Variants in SLC12A7 observed in about 807,000 individuals in gnomAD.
SLC12A7 encodes the protein solute carrier family 12 member 7, also known as K-Cl cotransporter 4.
In SLC12A7, 100 loss-of-function variants were observed where a neutral mutation model predicts 120.6. The observed-to-expected ratio is 0.83, with a 90% CI of 0.71 to 0.98. SLC12A7 has a LOEUF of 0.98. Among genes scored for constraint, SLC12A7 ranks in the 50% least tolerant of loss-of-function variants. The probability of loss-of-function intolerance (pLI) is 0.00; values close to 1 mark genes in which losing one functional copy is unlikely to be tolerated. For missense variants in SLC12A7, 1,373 were observed against 1,548.1 expected, an observed-to-expected ratio of 0.89 and a Z score of 1.90; for synonymous variants, 760 against 678.0, an observed-to-expected ratio of 1.12 and a Z score of -1.88.
At chr5:1,080,629 C>T (rs1284399717) in intron 9 of SLC12A7, among the ~76,000 whole-genome samples, 2 of 152,222 alleles carry the variant, frequency 1.3e-5, no homozygotes, top group African/African-American at 2.4e-5. Flanking sequence ...ACAAGAAGGC[C>T]GAGTGGAGAC....
At chr5:1,080,715 C>A (rs964597466) in intron 9 of SLC12A7, among the ~76,000 whole-genome samples, 1 of 152,190 alleles carries the variant, frequency 6.6e-6, no homozygotes, top group African/African-American at 2.4e-5. Flanking sequence ...AAGGGCCCCA[C>A]CCACCGCCGG....
intron 21 of SLC12A7, 118 bp downstream of exon 21, chr5:1,060,225 AC>A: frequency 1.3e-6 from 1 of 760,380 alleles, no homozygotes; most frequent in Non-Finnish European, 2.3e-6. Flanking sequence ...GCGACGCAGT[AC>A]CTGAGGCATG....
intron 20 of SLC12A7, among the ~76,000 whole-genome samples, chr5:1,061,071 C>T (rs77216381): frequency 0.35 from 24,539 of 69,794 alleles, 5,474 homozygotes; most frequent in Non-Finnish European, 0.41. Context: ...GCACCCGCCG[C>T]ACCTGCCGCA....
At chr5:1,103,656 T>C (rs1055258888) in intron 1 of SLC12A7, among the ~76,000 whole-genome samples, 2 of 152,098 alleles carry the variant, frequency 1.3e-5, no homozygotes, top group African/African-American at 4.8e-5. Context: ...CACATACACG[T>C]GTACACACAC....
At chr5:1,056,623 T>G (rs1193920007) in intron 22 of SLC12A7, 2 of 982,336 alleles carry the variant, frequency 2.0e-6, no homozygotes, top group Non-Finnish European at 2.4e-6. Context: ...AACAAGAGTG[T>G]GTTACTGACT....
chr5:1,091,570 A>T (rs2150874636), intron 3 of SLC12A7, among the ~76,000 whole-genome samples: 1 of 152,300 alleles, frequency 6.6e-6, no homozygotes, highest in African/African-American at 2.4e-5. Flanking sequence ...CCAGAGTACC[A>T]GCCTGAGCCC....
chr5:1,078,748 GCAGGAGAGATCCA>G lies in SLC12A7; in HGVS notation c.1397-3_1406del, dbSNP rs1738650149. 6.2e-7 allele frequency: 1 copy of G among 1,610,612 alleles called. No individual in the cohort carries two copies. Among genetic ancestry groups the G allele is most frequent in the Non-Finnish European group, 8.5e-7 (1 of 1,179,198 alleles). On this transcript the variant is annotated splice_acceptor_variant and splice_polypyrimidine_tract_variant and coding_sequence_variant and intron_variant, in exon 11 of 24. Coordinates refer to ENST00000264930, the MANE Select transcript of SLC12A7 (RefSeq NM_006598.3). LOFTEE classifies it high-confidence loss of function. ...CAATGCAGGCCCCAAACAGCACAATGCAGGAGAGATCCACAGCCCTCGTCAAGGAAAGGCAGGT... is the reference window on the plus strand; with the variant it reads ...CAATGCAGGCCCCAAACAGCACAATGCAGCCCTCGTCAAGGAAAGGCAGGT...
chr5:1,079,930 C>T (rs1391137720), intron 9 of SLC12A7, among the ~76,000 whole-genome samples: 2 of 152,254 alleles, frequency 1.3e-5, no homozygotes, highest in Admixed American at 6.5e-5. Context: ...CGACCCCTCC[C>T]GCTGTGGCAC....
In SLC12A7 at chr5:1,086,975, G is replaced by T. The variant is rs765065421; in HGVS notation, c.603C>A (p.Val201=). The stretch of plus-strand genomic sequence containing the variant: ...TCGTGCCCAGGTAGAAGCAGAGGCC[G>T]ACAGCGCCTCCAAACTCGGGTCCCA... The part of the protein sequence containing the change: ...RSLGPEFGGA[V]GLCFYLGTTF... Residue 201 remains valine, a synonymous_variant, in exon 6 of 24, where the codon GTC becomes GTA. Transcript: ENST00000264930. 6.2e-7 allele frequency: 1 copy of T among 1,612,850 alleles called. No individual in the cohort carries two copies. The highest frequency in any genetic ancestry group is 1.7e-5 in the Admixed American group (1 of 60,018).
chr5:1,086,830 T>G, intron 6 of SLC12A7, 73 bp downstream of exon 6: 1 of 1,568,954 alleles, frequency 6.4e-7, no homozygotes, highest in Non-Finnish European at 8.7e-7. Context: ...TGCCACAGAG[T>G]GGGTCAGGCA....
intron 20 of SLC12A7, among the ~76,000 whole-genome samples, 199 bp downstream of exon 20, chr5:1,063,642 TCCC>T (rs1293496041): frequency 6.3e-5 from 2 of 31,796 alleles, no homozygotes; most frequent in Non-Finnish European, 1.3e-4. Flanking sequence ...CCTCCTGATC[TCCC>T]CCTCCACCCC....
chr5:1,078,070 T>C (rs1183320491), intron 11 of SLC12A7, 63 bp from the exon 12 acceptor site: 20 of 1,498,894 alleles, frequency 1.3e-5, no homozygotes, highest in Middle Eastern at 1.7e-4. Flanking sequence ...AGACAAAATG[T>C]CTTCTCCCAC....
the SLC12A7 span, among the ~76,000 whole-genome samples, chr5:1,145,724 T>C: frequency 2.0e-5 from 3 of 152,128 alleles, no homozygotes; most frequent in African/African-American, 7.2e-5. The surrounding 1 kb of genome is among the most constrained non-coding windows in gnomAD (Gnocchi z 4.4). Flanking sequence ...ACTGGCCTCC[T>C]CTCAGAAAAC....
chr5:1,060,268 G>A (rs1011522997), intron 21 of SLC12A7, 76 bp downstream of exon 21: 1 of 1,112,830 alleles, frequency 9.0e-7, no homozygotes, highest in Non-Finnish European at 1.4e-6. Context: ...GCTGCAGGAG[G>A]GTCCCAGAAA....
intron 16 of SLC12A7, 56 bp from the exon 17 acceptor site, chr5:1,073,857 A>G (rs907699543): frequency 3.7e-6 from 5 of 1,335,512 alleles, no homozygotes; most frequent in Admixed American, 3.0e-5. Flanking sequence ...GGCACGGCCC[A>G]TCAACAGGCA....
intron 8 of SLC12A7, 67 bp from the exon 9 acceptor site, chr5:1,081,811 C>A (rs1739157693): frequency 6.4e-7 from 1 of 1,551,238 alleles, no homozygotes; most frequent in Non-Finnish European, 8.8e-7. Flanking sequence ...CATGGGGCCG[C>A]CCACTCCCCG....
At chr5:1,116,024 G>A (rs1388255227), upstream of SLC12A7, among the ~76,000 whole-genome samples, 1 of 152,036 alleles carries the variant, frequency 6.6e-6, no homozygotes, top group African/African-American at 2.4e-5. Context: ...GCCACCTGTG[G>A]GACCCACACT....
the SLC12A7 span, among the ~76,000 whole-genome samples, chr5:1,135,514 C>T: frequency 1.2e-4 from 18 of 152,342 alleles, 1 homozygote; most frequent in South Asian, 2.1e-3. Flanking sequence ...GCCCCGGGAT[C>T]CAGGGTGGCC....
the SLC12A7 span, among the ~76,000 whole-genome samples, chr5:1,126,939 G>A: frequency 6.6e-6 from 1 of 152,206 alleles, no homozygotes; most frequent in African/African-American, 2.4e-5. Context: ...CTGACTGGGA[G>A]GTGGCTCCTT....
Sources: allele counts gnomAD v4.1 joint callset (sites outside exome capture counted in the v4.1 genomes callset), GRCh38; gene constraint gnomAD v4.1.1; non-coding constraint Gnocchi (gnomAD v3.1); transcripts MANE v1.5; gene names NCBI Gene and HGNC (gene_info 2026-07-23, HGNC 2026-07-21).